The following RBM6 variants were observed in gnomAD, a reference collection of about 807,000 sequenced individuals.
RBM6 encodes the protein RNA binding motif protein 6, also known as RNA-binding protein 6.
RBM6 carries 23 observed loss-of-function variants against 140.4 expected under a neutral mutation model. That is an observed-to-expected ratio of 0.16 (90% CI 0.12 to 0.23). The LOEUF (loss-of-function observed/expected upper bound fraction) is 0.23, where lower values mean the gene tolerates loss of function less well. Ranked by LOEUF, RBM6 falls within the 10% of genes least tolerant of loss-of-function variation. RBM6 has a pLI of 1.00. For synonymous variants in RBM6, 439 were observed against 475.6 expected (o/e 0.92, Z 1.00); for missense variants, 1,139 against 1,386.7 (o/e 0.82, Z 2.84).
At chr3:49,957,095 G>A (rs775630764) in intron 1 of RBM6, among the ~76,000 whole-genome samples, 6 of 152,026 alleles carry the variant, frequency 3.9e-5, no homozygotes, top group Non-Finnish European at 7.4e-5. Flanking sequence ...CAATCCTCCC[G>A]CTTCATTCTT....
chr3:50,007,113 C>G lies in RBM6; in HGVS notation c.1557+7600C>G, dbSNP rs114304369. ...TGCCTAGGAGGATTTTTTTTTTTCCCATCAACAATACTTCTCATTTAGCCT... is the reference window on the plus strand; with the variant it reads ...TGCCTAGGAGGATTTTTTTTTTTCCGATCAACAATACTTCTCATTTAGCCT... On this transcript the variant is annotated intron_variant, in intron 6 of 20. Coordinates refer to ENST00000266022, the MANE Select transcript of RBM6 (RefSeq NM_005777.3). Among the ~76,000 whole-genome samples the G allele has an allele frequency of 6.1e-3, 917 of 151,258 alleles. 10 individuals are homozygous for G. Among genetic ancestry groups the G allele is most frequent in the African/African-American group, 0.021 (865 of 41,196 alleles).
chr3:50,017,384 C>T (rs1168478517), intron 6 of RBM6, among the ~76,000 whole-genome samples: 3 of 151,852 alleles, frequency 2.0e-5, no homozygotes, highest in South Asian at 2.1e-4. Context: ...GGTGAAACCC[C>T]GTTTCTACTA....
intron 5 of RBM6, among the ~76,000 whole-genome samples, chr3:49,977,615 G>A (rs2085115583): frequency 6.6e-6 from 1 of 152,110 alleles, no homozygotes; most frequent in South Asian, 2.1e-4. Flanking sequence ...TTCCACCAGT[G>A]CTTGACACTC....
intron 6 of RBM6, among the ~76,000 whole-genome samples, chr3:50,036,455 C>G (rs1243222230): frequency 1.3e-5 from 2 of 152,120 alleles, no homozygotes; most frequent in African/African-American, 2.4e-5. Context: ...TTCTCCCTAA[C>G]TCCTGGATTA....
chr3:50,031,296 G>A (rs1022351500), intron 6 of RBM6, among the ~76,000 whole-genome samples: 1 of 152,040 alleles, frequency 6.6e-6, no homozygotes, highest in Non-Finnish European at 1.5e-5. Context: ...TGTTTATTGC[G>A]GCACTATTCA....
intron 1 of RBM6, among the ~76,000 whole-genome samples, chr3:49,946,883 A>G (rs527444228): frequency 6.7e-4 from 98 of 146,782 alleles, no homozygotes; most frequent in African/African-American, 2.4e-3. Context: ...ATCCTAGTGG[A>G]TGTGAAGTGG....
At chr3:50,074,203 T>C (rs13063324) in intron 19 of RBM6, among the ~76,000 whole-genome samples, 1 of 152,234 alleles carries the variant, frequency 6.6e-6, no homozygotes, top group Admixed American at 6.5e-5. Context: ...TCCTTGCTTG[T>C]GTCCTCCTTT....
At chr3:49,980,621 G>A (rs987325508) in intron 5 of RBM6, among the ~76,000 whole-genome samples, 1 of 151,462 alleles carries the variant, frequency 6.6e-6, no homozygotes, top group Admixed American at 6.6e-5. Context: ...AATTAGCCGG[G>A]CGTGGTGGCG....
intron 5 of RBM6, among the ~76,000 whole-genome samples, chr3:49,990,940 G>A (rs2085789534): frequency 6.6e-6 from 1 of 152,120 alleles, no homozygotes; most frequent in Non-Finnish European, 1.5e-5. Flanking sequence ...CCAGAAGTTA[G>A]CTTCAGACTC....
chr3:49,992,385 A>C (rs993594593), intron 5 of RBM6, among the ~76,000 whole-genome samples: 1 of 152,220 alleles, frequency 6.6e-6, no homozygotes, highest in East Asian at 1.9e-4. Context: ...TGGAGGCAGC[A>C]GATATGTTGT....
chr3:50,061,133 G>A lies in RBM6; in HGVS notation c.2272-7G>A, dbSNP rs371688101. 1.2e-6 allele frequency: 2 copies of A among 1,614,158 alleles called. No homozygotes were observed. The highest frequency in any genetic ancestry group is 1.7e-6 in the Non-Finnish European group (2 of 1,180,028). On this transcript the variant is annotated splice_polypyrimidine_tract_variant and splice_region_variant and intron_variant, in intron 12 of 20. Transcript: ENST00000266022. ...TTCTGTAATTTTAACTTGCCTTTCT[G>A]TGATAGGGTAAAAAATATTTCCGAG...
At chr3:49,953,275 A>G (rs1020563826) in intron 1 of RBM6, among the ~76,000 whole-genome samples, 2 of 149,958 alleles carry the variant, frequency 1.3e-5, no homozygotes, top group Non-Finnish European at 3.0e-5. Flanking sequence ...GTTGGAGTGC[A>G]GTGGAGCGAT....
At chr3:49,984,629 TCG>T (rs2085473289) in intron 5 of RBM6, among the ~76,000 whole-genome samples, 6 of 46,686 alleles carry the variant, frequency 1.3e-4, no homozygotes, top group African/African-American at 2.6e-4. Context: ...TCGCATCGCA[TCG>T]CATCGCATCG....
intron 6 of RBM6, among the ~76,000 whole-genome samples, chr3:50,019,262 T>C (rs2087354314): frequency 6.6e-6 from 1 of 152,026 alleles, no homozygotes; most frequent in South Asian, 2.1e-4. Flanking sequence ...TGACCTTAGG[T>C]GATCTGCCCC....
At chr3:50,042,031 C>T (rs1360061535) in intron 6 of RBM6, among the ~76,000 whole-genome samples, 1 of 152,170 alleles carries the variant, frequency 6.6e-6, no homozygotes, top group Non-Finnish European at 1.5e-5. Flanking sequence ...GTATCCCAGC[C>T]ATCCATATGC....
chr3:49,977,964 G>T (rs1303878272), intron 5 of RBM6, among the ~76,000 whole-genome samples: 1 of 149,868 alleles, frequency 6.7e-6, no homozygotes, highest in African/African-American at 2.4e-5. Flanking sequence ...AAAAGAAAAA[G>T]AAAAAAAAAT....
intron 6 of RBM6, among the ~76,000 whole-genome samples, chr3:50,043,954 G>A (rs939452376): frequency 1.5e-4 from 23 of 150,650 alleles, no homozygotes; most frequent in African/African-American, 5.4e-4. Flanking sequence ...CGTGATCTTG[G>A]CTCAGTGCAA....
chr3:49,943,898 T>C (rs1280709930), intron 1 of RBM6, among the ~76,000 whole-genome samples: 1 of 152,204 alleles, frequency 6.6e-6, no homozygotes, highest in African/African-American at 2.4e-5. Context: ...CTGTTTTTCC[T>C]TTTTTGATAA....
At chr3:50,048,363 T>C (rs761106478) in intron 7 of RBM6, 44 bp downstream of exon 7, 1 of 1,592,028 alleles carries the variant, frequency 6.3e-7, no homozygotes, top group Non-Finnish European at 8.6e-7. Context: ...GTATCTGGAA[T>C]AACAGCTCCT....
Sources: gnomAD v4.1 joint callset for allele counts (sites outside exome capture counted in the v4.1 genomes callset) on GRCh38, gnomAD v4.1.1 for gene constraint, MANE v1.5 for transcripts, NCBI Gene and HGNC (gene_info 2026-07-23, HGNC 2026-07-21) for gene names.